TRMT11: variants seen among roughly 807,000 people sequenced by gnomAD.
TRMT11 encodes the protein tRNA (guanine(10)-N(2))-methyltransferase TRMT11.
TRMT11 carries 53 observed loss-of-function variants against 62.8 expected under a neutral mutation model. The ratio of observed to expected loss-of-function variants is 0.84; its 90% CI spans 0.68 to 1.06. The LOEUF (loss-of-function observed/expected upper bound fraction) is 1.06. Ranked by LOEUF, TRMT11 falls within the 50% of genes least tolerant of loss-of-function variation. TRMT11 has a pLI of 0.00. For synonymous variants in TRMT11, 188 were observed against 190.3 expected (o/e 0.99, Z 0.10); for missense variants, 556 against 553.4 (o/e 1.00, Z -0.05).
chr6:126,078,398 G>GTTTT (rs36060578), intron 17 of TRMT11, among the ~76,000 whole-genome samples: 121 of 141,526 alleles, frequency 8.5e-4, no homozygotes, highest in African/African-American at 3.0e-3. Flanking sequence ...TATTAGAAAG[G>GTTTT]TTTTTTTTTT....
chr6:125,996,395 A>G (rs923922694), intron 3 of TRMT11, among the ~76,000 whole-genome samples: 1 of 152,238 alleles, frequency 6.6e-6, no homozygotes, highest in Non-Finnish European at 1.5e-5. Context: ...ATGGTTTTTA[A>G]TTGGATGAGC....
chr6:126,073,872 T>TA (rs1254207336), intron 17 of TRMT11, among the ~76,000 whole-genome samples: 1 of 152,118 alleles, frequency 6.6e-6, no homozygotes, highest in South Asian at 2.1e-4. Flanking sequence ...CTCAAAAACT[T>TA]ACAGTCATGG....
the TRMT11 span, among the ~76,000 whole-genome samples, chr6:126,241,561 C>T: frequency 6.6e-6 from 1 of 152,192 alleles, no homozygotes; most frequent in Admixed American, 6.5e-5. Flanking sequence ...TACTGGCAAA[C>T]TGAATCCAGC....
chr6:126,046,352 T>G (rs1283748332), intron 16 of TRMT11, among the ~76,000 whole-genome samples: 6 of 152,142 alleles, frequency 3.9e-5, no homozygotes, highest in Non-Finnish European at 8.8e-5. Flanking sequence ...GCCAAAACAT[T>G]GTCGGATTTT....
chr6:126,089,586 C>G (rs942010235), intron 17 of TRMT11, among the ~76,000 whole-genome samples: 1 of 152,196 alleles, frequency 6.6e-6, no homozygotes, highest in Non-Finnish European at 1.5e-5. Context: ...TTGCAAAGTT[C>G]TTGTCCTCTG....
At chr6:126,091,003 G>A (rs894776456) in intron 17 of TRMT11, among the ~76,000 whole-genome samples, 3 of 152,094 alleles carry the variant, frequency 2.0e-5, no homozygotes, top group African/African-American at 7.2e-5. Flanking sequence ...TTGAGGTCAG[G>A]CGTTCGAGAC....
intron 7 of TRMT11, among the ~76,000 whole-genome samples, chr6:126,004,182 A>C (rs938577579): frequency 2.0e-5 from 3 of 152,068 alleles, no homozygotes; most frequent in African/African-American, 7.2e-5. Context: ...TATGGTTGCC[A>C]GTATGGGTAA....
rs759255272 is a variant in TRMT11 at position 126,104,769 on chromosome 6, C to T, written c.*1438-8097C>T. Among the ~76,000 whole-genome samples, 3 of 152,172 alleles carry T rather than the reference C, an allele frequency of 2.0e-5. No homozygotes were observed. The East Asian group carries it at 5.8e-4, about 29-fold the overall frequency. ...AGATTTCATTTTTATGCCTTCCTTTCTCTTCTTCTCCCATTGTTTAAAGAC... is the reference window on the plus strand; with the variant it reads ...AGATTTCATTTTTATGCCTTCCTTTTTCTTCTTCTCCCATTGTTTAAAGAC... On this transcript the variant is annotated intron_variant and NMD_transcript_variant, in intron 17 of 22. Transcript: ENST00000648977.
chr6:125,987,753 C>T (rs1260591042), intron 1 of TRMT11, among the ~76,000 whole-genome samples: 1 of 152,052 alleles, frequency 6.6e-6, no homozygotes, highest in Admixed American at 6.6e-5. Context: ...AGGTATGACT[C>T]CTGGGGTGTA....
chr6:126,203,455 C>G (rs115176471), downstream of TRMT11, among the ~76,000 whole-genome samples: 1 of 152,150 alleles, frequency 6.6e-6, no homozygotes, highest in African/African-American at 2.4e-5. Flanking sequence ...TACCAGGAGT[C>G]TGTTTTATGA....
chr6:126,142,815 A>G (rs778242663), intron 21 of TRMT11, among the ~76,000 whole-genome samples: 1 of 152,098 alleles, frequency 6.6e-6, no homozygotes, highest in Non-Finnish European at 1.5e-5. Context: ...TCCATTTCTC[A>G]GAAAATATCT....
At chr6:126,084,584 G>A (rs918716726) in intron 17 of TRMT11, among the ~76,000 whole-genome samples, 3 of 152,022 alleles carry the variant, frequency 2.0e-5, no homozygotes, top group Admixed American at 1.3e-4. Context: ...TCTCATTTAT[G>A]TATTTTGCTT....
chr6:126,008,529 T>A, intron 8 of TRMT11, 57 bp downstream of exon 8: 1 of 1,415,814 alleles, frequency 7.1e-7, no homozygotes, highest in Non-Finnish European at 1.0e-6. Flanking sequence ...AATGTACCTT[T>A]AAACATACAG....
At chr6:126,041,529 A>C (rs1013934105), downstream of TRMT11, among the ~76,000 whole-genome samples, 1 of 152,152 alleles carries the variant, frequency 6.6e-6, no homozygotes, top group African/African-American at 2.4e-5. Flanking sequence ...TGCTTATCCA[A>C]AGAGATATGG....
chr6:126,041,645 A>G (rs1351171024), downstream of TRMT11, among the ~76,000 whole-genome samples: 1 of 152,164 alleles, frequency 6.6e-6, no homozygotes, highest in Non-Finnish European at 1.5e-5. Context: ...AGCACAGTGG[A>G]ACTAGGCTCA....
the TRMT11 span, among the ~76,000 whole-genome samples, chr6:126,230,575 CA>C: frequency 6.6e-6 from 1 of 152,142 alleles, no homozygotes; most frequent in South Asian, 2.1e-4. Context: ...AACTCTTCAG[CA>C]ATATTTTCTA....
In TRMT11 at chr6:125,999,506, G is replaced by A. The variant is rs1323693945; in HGVS notation, c.572G>A (p.Arg191Lys). The A allele has an allele frequency of 1.2e-6, 2 of 1,611,284 alleles. No individual in the cohort carries two copies. The highest frequency in any genetic ancestry group is 1.7e-6 in the Non-Finnish European group (2 of 1,178,790). ...ELIESYSVKK[R>K]HFIGNTSMDA... ...ATTGAGTCATACAGTGTCAAAAAGAGACACTTTATTGGAAATACAAGTATG... is the reference window on the plus strand; with the variant it reads ...ATTGAGTCATACAGTGTCAAAAAGAAACACTTTATTGGAAATACAAGTATG... The change falls in exon 7 of 13, where the codon AGA becomes AAA. Residue 191 changes from arginine (R) to lysine (K), a missense_variant. Transcript: ENST00000334379.
At chr6:126,271,418 G>T in the TRMT11 span, among the ~76,000 whole-genome samples, 2 of 148,550 alleles carry the variant, frequency 1.3e-5, no homozygotes, top group Admixed American at 1.3e-4. Flanking sequence ...AAATCTGAGG[G>T]CAAAACTGAC....
At chr6:126,222,168 T>A in the TRMT11 span, among the ~76,000 whole-genome samples, 1 of 152,222 alleles carries the variant, frequency 6.6e-6, no homozygotes, top group Non-Finnish European at 1.5e-5. Context: ...CATTAGTCTA[T>A]GTGTCTGTTT....
Sources: allele counts gnomAD v4.1 joint callset (sites outside exome capture counted in the v4.1 genomes callset), GRCh38; gene constraint gnomAD v4.1.1; transcripts MANE v1.5; gene names NCBI Gene and HGNC (gene_info 2026-07-23, HGNC 2026-07-21).